Variants in PCDH15 observed in about 807,000 individuals in gnomAD.
PCDH15 encodes the protein protocadherin-15.
In PCDH15, 129 loss-of-function variants were observed where a neutral mutation model predicts 178.5. That is an observed-to-expected ratio of 0.72 (90% CI 0.63 to 0.84). The LOEUF (loss-of-function observed/expected upper bound fraction) is 0.84. Among genes scored for constraint, PCDH15 ranks in the 40% least tolerant of loss-of-function variants. PCDH15 has a pLI of 0.00. For synonymous variants in PCDH15, 800 were observed against 732.0 expected, an observed-to-expected ratio of 1.09 and a Z score of -1.50; for missense variants, 2,230 against 2,099.9, an observed-to-expected ratio of 1.06 and a Z score of -1.21.
chr10:53,922,476 G>A (rs2084083034), intron 25 of PCDH15, among the ~76,000 whole-genome samples: 1 of 152,120 alleles, frequency 6.6e-6, no homozygotes, highest in Admixed American at 6.5e-5. Flanking sequence ...TCAGAACTGG[G>A]TATGGAATTC....
intron 2 of PCDH15, among the ~76,000 whole-genome samples, chr10:54,988,967 G>A (rs756518850): frequency 7.9e-5 from 12 of 152,092 alleles, no homozygotes; most frequent in Non-Finnish European, 1.2e-4. Flanking sequence ...TTCTTGGGCC[G>A]GGACCAGGAT....
intron 14 of PCDH15, among the ~76,000 whole-genome samples, chr10:54,137,885 G>A (rs2043035758): frequency 6.6e-6 from 1 of 152,138 alleles, no homozygotes; most frequent in Non-Finnish European, 1.5e-5. Context: ...CATTGCTTGT[G>A]TCTTGGCTGC....
chr10:55,238,958 A>G (rs1841468124), intron 1 of PCDH15, among the ~76,000 whole-genome samples: 2 of 152,114 alleles, frequency 1.3e-5, no homozygotes, highest in African/African-American at 2.4e-5. Context: ...TTCATTCTAT[A>G]TATTTTTTAC....
intron 4 of PCDH15, among the ~76,000 whole-genome samples, chr10:54,373,973 T>C (rs1279180610): frequency 6.6e-6 from 1 of 152,060 alleles, no homozygotes; most frequent in Non-Finnish European, 1.5e-5. Context: ...TCTTAGTTTG[T>C]AGTTCATACA....
chr10:54,998,992 A>C (rs1839722967), intron 2 of PCDH15, among the ~76,000 whole-genome samples: 1 of 152,006 alleles, frequency 6.6e-6, no homozygotes, highest in South Asian at 2.1e-4. Context: ...TTTTGCTTTT[A>C]ATTTTTATTC....
At chr10:54,658,060 T>C (rs1320156647) in intron 2 of PCDH15, among the ~76,000 whole-genome samples, 2 of 152,304 alleles carry the variant, frequency 1.3e-5, no homozygotes, top group East Asian at 3.9e-4. Flanking sequence ...GCCTGGTTTT[T>C]TTGAATTAAC....
intron 3 of PCDH15, among the ~76,000 whole-genome samples, chr10:54,421,208 T>A (rs545903488): frequency 5.2e-4 from 79 of 151,058 alleles, no homozygotes; most frequent in Non-Finnish European, 1.0e-3. Flanking sequence ...CTATTTTCCA[T>A]TAAAACACGA....
At chr10:55,566,151 A>G (rs1842296984) in intron 2 of PCDH15, among the ~76,000 whole-genome samples, 1 of 151,790 alleles carries the variant, frequency 6.6e-6, no homozygotes, top group East Asian at 1.9e-4. Flanking sequence ...AGATATTTCA[A>G]CATACAAAAA....
chr10:53,965,020 A>G (rs932573613), intron 21 of PCDH15, among the ~76,000 whole-genome samples: 5 of 151,722 alleles, frequency 3.3e-5, no homozygotes, highest in African/African-American at 1.2e-4. Context: ...GCATTTTCAT[A>G]CCTACAATAA....
intron 37 of PCDH15, among the ~76,000 whole-genome samples, chr10:53,807,474 C>T (rs1180104285): frequency 6.6e-6 from 1 of 152,136 alleles, no homozygotes; most frequent in African/African-American, 2.4e-5. Context: ...AGCTGCTCTA[C>T]TATTCAGGAA....
intron 2 of PCDH15, among the ~76,000 whole-genome samples, chr10:55,505,475 T>C (rs1170843818): frequency 6.6e-6 from 1 of 151,274 alleles, no homozygotes; most frequent in East Asian, 1.9e-4. Context: ...GGTGATTTTG[T>C]GACAACAGCC....
chr10:54,189,735 G>T (rs185834481), intron 11 of PCDH15, among the ~76,000 whole-genome samples: 1 of 151,914 alleles, frequency 6.6e-6, no homozygotes, highest in Non-Finnish European at 1.5e-5. Context: ...TTTATGATCA[G>T]CATTCAATAA....
chr10:54,964,189 G>T (rs1373416276), intron 2 of PCDH15, among the ~76,000 whole-genome samples: 1 of 152,104 alleles, frequency 6.6e-6, no homozygotes, highest in Non-Finnish European at 1.5e-5. Flanking sequence ...TAAGACAAAT[G>T]GAACTTTTTC....
At chr10:55,605,232 T>G (rs375519733) in intron 2 of PCDH15, among the ~76,000 whole-genome samples, 80 of 151,974 alleles carry the variant, frequency 5.3e-4, no homozygotes, top group African/African-American at 1.3e-3. Flanking sequence ...AATAACAGGA[T>G]CTGAAATTGT....
chr10:54,906,690 C>T (rs1309115742), intron 2 of PCDH15, among the ~76,000 whole-genome samples: 1 of 152,016 alleles, frequency 6.6e-6, no homozygotes, highest in Admixed American at 6.6e-5. Context: ...CAACATTTTG[C>T]AAATTCAAAA....
At chr10:54,084,523 A>T (rs1261632996) in intron 16 of PCDH15, among the ~76,000 whole-genome samples, 1 of 152,058 alleles carries the variant, frequency 6.6e-6, no homozygotes, top group Non-Finnish European at 1.5e-5. Context: ...AGTCCCAGCT[A>T]CTTGGGAGGC....
intron 2 of PCDH15, among the ~76,000 whole-genome samples, chr10:54,609,990 T>C (rs2092908597): frequency 6.6e-6 from 1 of 152,010 alleles, no homozygotes; most frequent in Non-Finnish European, 1.5e-5. Flanking sequence ...TATTTCTTGA[T>C]ACTTTTATTA....
intron 2 of PCDH15, among the ~76,000 whole-genome samples, chr10:54,945,340 A>AGAT (rs1296356150): frequency 2.3e-4 from 25 of 108,950 alleles, no homozygotes; most frequent in East Asian, 9.2e-4. Flanking sequence ...ATAGATAGAT[A>AGAT]GATAGATAGA....
chr10:54,271,546 A>G (rs1204260129), intron 8 of PCDH15, among the ~76,000 whole-genome samples: 1 of 152,168 alleles, frequency 6.6e-6, no homozygotes, highest in Non-Finnish European at 1.5e-5. Flanking sequence ...GACATCTATC[A>G]GATTCCCTTC....
Sources: allele counts gnomAD v4.1 joint callset (sites outside exome capture counted in the v4.1 genomes callset), GRCh38; gene constraint gnomAD v4.1.1; transcripts MANE v1.5; gene names NCBI Gene and HGNC (gene_info 2026-07-23, HGNC 2026-07-21).